Variants in C3orf52 observed in about 807,000 individuals in gnomAD.
C3orf52 encodes the protein TPA-induced transmembrane protein.
Under a neutral mutation model 24.8 loss-of-function variants are expected in C3orf52, and 22 were observed. The observed-to-expected ratio is 0.89, with a 90% CI of 0.63 to 1.27. The LOEUF is 1.27. C3orf52 is among the 50% of genes most tolerant of loss of function. The pLI is 0.00. For synonymous variants in C3orf52, 93 were observed against 100.2 expected (o/e 0.93, Z 0.43); for missense variants, 265 against 260.7 (o/e 1.02, Z -0.11).
downstream of C3orf52, chr3:112,130,264 A>T: frequency 1.6e-6 from 1 of 617,218 alleles, no homozygotes; most frequent in Non-Finnish European, 2.9e-6. Context: ...GCAAAGTAGC[A>T]TATCTCCTGT....
chr3:112,116,751 A>T lies in C3orf52; in HGVS notation c.*105A>T. The T allele has an allele frequency of 6.4e-7, 1 of 1,551,146 alleles. No individual in the cohort carries two copies. Among genetic ancestry groups the T allele is most frequent in the Middle Eastern group, 1.7e-4 (1 of 5,992 alleles). The stretch of plus-strand genomic sequence containing the variant: ...AAAAGATTCTGTGGATTAATACAGA[A>T]GCACCAGCAACACCAGAGGGGTGGA... On this transcript the variant is annotated 3_prime_UTR_variant, in exon 6 of 6. Coordinates refer to ENST00000264848, the MANE Select transcript of C3orf52 (RefSeq NM_024616.3).
At chr3:112,091,106 T>A (rs2073873187) in intron 1 of C3orf52, among the ~76,000 whole-genome samples, 1 of 152,234 alleles carries the variant, frequency 6.6e-6, no homozygotes. Context: ...TCTGACAGGC[T>A]AGGCCTCAGA....
At chr3:112,115,189 T>A (rs561467747) in intron 5 of C3orf52, among the ~76,000 whole-genome samples, 1 of 152,344 alleles carries the variant, frequency 6.6e-6, no homozygotes, top group Admixed American at 6.5e-5. Context: ...TGAGCCATTT[T>A]ATGTTTTCAG....
At chr3:112,087,010 C>G (rs554296135) in intron 1 of C3orf52, among the ~76,000 whole-genome samples, 20 of 152,208 alleles carry the variant, frequency 1.3e-4, no homozygotes, top group Non-Finnish European at 2.8e-4. Context: ...CTCGCCGCAG[C>G]CCCCAGCCTT....
chr3:112,091,759 C>A (rs1194728728), intron 1 of C3orf52, among the ~76,000 whole-genome samples: 2 of 152,158 alleles, frequency 1.3e-5, no homozygotes, highest in African/African-American at 4.8e-5. Flanking sequence ...AATCCCAGCA[C>A]TTTGGGAGGT....
chr3:112,110,090 G>A (rs1315117104), intron 4 of C3orf52, among the ~76,000 whole-genome samples: 3 of 152,190 alleles, frequency 2.0e-5, no homozygotes, highest in African/African-American at 7.2e-5. Flanking sequence ...AGCACTTTGC[G>A]AGGCCAAGGC....
chr3:112,110,008 G>C (rs991868969), intron 4 of C3orf52, among the ~76,000 whole-genome samples: 2 of 152,198 alleles, frequency 1.3e-5, no homozygotes, highest in Non-Finnish European at 2.9e-5. Context: ...AGTAATACAG[G>C]AGTACATTCT....
chr3:112,124,150 C>T (rs1208555309), intron 4 of C3orf52, among the ~76,000 whole-genome samples: 1 of 152,170 alleles, frequency 6.6e-6, no homozygotes, highest in African/African-American at 2.4e-5. Flanking sequence ...TAGTGCCATC[C>T]TCGCAGTTAT....
chr3:112,099,399 A>G (rs1358524353), intron 2 of C3orf52, among the ~76,000 whole-genome samples: 4 of 152,138 alleles, frequency 2.6e-5, no homozygotes, highest in African/African-American at 9.7e-5. Context: ...CACCCTTTAT[A>G]TAAGACCAAG....
chr3:112,127,154 C>CT (rs1375803435), intron 4 of C3orf52: 1 of 613,404 alleles, frequency 1.6e-6, no homozygotes, highest in Non-Finnish European at 2.8e-6. Flanking sequence ...ATAATACCTC[C>CT]TTCAGCATAG....
At chr3:112,115,753 G>C (rs981273868) in intron 5 of C3orf52, among the ~76,000 whole-genome samples, 2 of 152,120 alleles carry the variant, frequency 1.3e-5, no homozygotes, top group African/African-American at 4.8e-5. Flanking sequence ...GAGGGGTTTT[G>C]TGTGTGTTTG....
intron 5 of C3orf52, among the ~76,000 whole-genome samples, chr3:112,115,456 G>A (rs755018994): frequency 2.0e-5 from 3 of 152,168 alleles, no homozygotes; most frequent in Non-Finnish European, 2.9e-5. Flanking sequence ...TCCCCGCCCT[G>A]TGATTACCCA....
At chr3:112,125,322 G>T in intron 4 of C3orf52, 1 of 1,084,602 alleles carries the variant, frequency 9.2e-7, no homozygotes, top group Non-Finnish European at 1.4e-6. Context: ...AGCAGGGGAG[G>T]CTAGAATATA....
At chr3:112,112,262 A>G (rs1482664325) in intron 4 of C3orf52, 2 of 152,300 alleles carry the variant, frequency 1.3e-5, no homozygotes, top group African/African-American at 4.8e-5. Context: ...ATGGGAAAAA[A>G]TGTTCTAGGA....
intron 4 of C3orf52, chr3:112,126,852 A>C: frequency 1.4e-6 from 1 of 695,772 alleles, no homozygotes; most frequent in Non-Finnish European, 2.6e-6. Context: ...AGGACATGCA[A>C]TTGGATACAG....
chr3:112,089,543 A>G (rs1364950441), intron 1 of C3orf52, among the ~76,000 whole-genome samples: 1 of 152,072 alleles, frequency 6.6e-6, no homozygotes, highest in East Asian at 1.9e-4. Flanking sequence ...AAAAAAAAAA[A>G]AAAAAAAGAT....
intron 4 of C3orf52, among the ~76,000 whole-genome samples, chr3:112,127,333 C>G (rs1243122416): frequency 6.6e-6 from 1 of 151,942 alleles, no homozygotes; most frequent in African/African-American, 2.4e-5. Flanking sequence ...GACTTTTTTT[C>G]TGACAAAGTA....
downstream of C3orf52, chr3:112,123,200 A>G (rs1253433816): frequency 5.2e-6 from 3 of 573,406 alleles, no homozygotes; most frequent in Non-Finnish European, 8.9e-6. Flanking sequence ...TCCTACCACT[A>G]TACTCTCCAA....
chr3:112,121,263 GA>G (rs1345477286), downstream of C3orf52: 2 of 152,200 alleles, frequency 1.3e-5, no homozygotes, highest in Non-Finnish European at 2.9e-5. Flanking sequence ...GTGGCCATGT[GA>G]AAAATTCTAG....
Sources: allele counts gnomAD v4.1 joint callset (sites outside exome capture counted in the v4.1 genomes callset), GRCh38; gene constraint gnomAD v4.1.1; transcripts MANE v1.5; gene names NCBI Gene and HGNC (gene_info 2026-07-23, HGNC 2026-07-21).